Variants in NOL10 observed in about 807,000 individuals in gnomAD.
NOL10 encodes the protein nucleolar protein 10, also known as H_NH0074G24.1.
Under a neutral mutation model 103.5 loss-of-function variants are expected in NOL10, and 58 were observed. That is an observed-to-expected ratio of 0.56 (90% CI 0.45 to 0.70). The LOEUF (loss-of-function observed/expected upper bound fraction) is 0.70. Ranked by LOEUF, NOL10 falls within the 30% of genes least tolerant of loss-of-function variation. The pLI, the probability that NOL10 is intolerant of heterozygous loss-of-function variation, is 0.00. For synonymous variants in NOL10, 287 were observed against 282.5 expected, an observed-to-expected ratio of 1.02 and a Z score of -0.16; for missense variants, 763 against 807.3, an observed-to-expected ratio of 0.95 and a Z score of 0.67.
chr2:10,595,459 T>C (rs1675625402), intron 17 of NOL10, among the ~76,000 whole-genome samples: 1 of 151,904 alleles, frequency 6.6e-6, no homozygotes, highest in Non-Finnish European at 1.5e-5. Flanking sequence ...CATGCACCAC[T>C]ACACCCAGCT....
chr2:10,624,844 C>G (rs754122703), intron 13 of NOL10, among the ~76,000 whole-genome samples: 2 of 152,080 alleles, frequency 1.3e-5, no homozygotes, highest in Non-Finnish European at 2.9e-5. Flanking sequence ...CGGCTTTATT[C>G]CTAACTGCCA....
chr2:10,611,593 C>A (rs763260637), intron 13 of NOL10, among the ~76,000 whole-genome samples: 2 of 152,284 alleles, frequency 1.3e-5, no homozygotes, highest in South Asian at 2.1e-4. Flanking sequence ...GTAGCCTGGG[C>A]AACACAGTGA....
chr2:10,634,947 A>G (rs1246454271), intron 13 of NOL10, among the ~76,000 whole-genome samples: 1 of 152,220 alleles, frequency 6.6e-6, no homozygotes, highest in Non-Finnish European at 1.5e-5. Context: ...ATGACTGTAC[A>G]CGTCTGTCCA....
Position 10,657,729 on chromosome 2 carries a change from C to G in NOL10, c.906+13G>C. The G allele has an allele frequency of 6.5e-7, 1 of 1,543,152 alleles. No individual in the cohort carries two copies. Among genetic ancestry groups the G allele is most frequent in the Non-Finnish European group, 8.7e-7 (1 of 1,142,918 alleles). The stretch of plus-strand genomic sequence containing the variant: ...AAATAAAGAAGCAAGTAATTTCAAC[C>G]AAAAATACATACGGAGTTCTTATTC... On this transcript the variant is annotated intron_variant, in intron 11 of 20. Transcript: ENST00000381685.
At chr2:10,588,620 G>T (rs963904679) in intron 19 of NOL10, among the ~76,000 whole-genome samples, 1 of 152,116 alleles carries the variant, frequency 6.6e-6, no homozygotes, top group Non-Finnish European at 1.5e-5. Context: ...TGTCCAAAAG[G>T]CTTCAAACCA....
At chr2:10,646,860 A>T (rs78274912) in intron 12 of NOL10, among the ~76,000 whole-genome samples, 5,556 of 152,260 alleles carry the variant, frequency 0.036, 337 homozygotes, top group African/African-American at 0.12. Flanking sequence ...AAACCATTTT[A>T]AAAAAGTCAG....
chr2:10,613,718 A>G (rs6432122), intron 13 of NOL10, among the ~76,000 whole-genome samples: 89,926 of 152,014 alleles, frequency 0.59, 27,614 homozygotes, highest in African/African-American at 0.74. Flanking sequence ...ATTAAATCAA[A>G]CAGGTAAGAA....
intron 20 of NOL10, among the ~76,000 whole-genome samples, chr2:10,573,253 G>A (rs768796448): frequency 3.8e-4 from 58 of 151,996 alleles, no homozygotes; most frequent in Non-Finnish European, 6.5e-4. Context: ...GAGTGCAATG[G>A]TACAATCTCG....
intron 13 of NOL10, among the ~76,000 whole-genome samples, chr2:10,640,282 G>C (rs1678611261): frequency 6.6e-6 from 1 of 152,146 alleles, no homozygotes; most frequent in African/African-American, 2.4e-5. Context: ...TCAGACCCCT[G>C]GGCTCTCCCT....
chr2:10,643,177 C>T (rs1232432659), intron 13 of NOL10, among the ~76,000 whole-genome samples: 2 of 152,158 alleles, frequency 1.3e-5, no homozygotes, highest in Admixed American at 6.5e-5. Flanking sequence ...ACCAACCAAA[C>T]GAAATATCTC....
At chr2:10,661,867 TA>T (rs1394676138) in intron 9 of NOL10, among the ~76,000 whole-genome samples, 5 of 147,398 alleles carry the variant, frequency 3.4e-5, no homozygotes, top group East Asian at 2.0e-4. Flanking sequence ...AGCTAAGCAT[TA>T]AAAAAAAATT....
chr2:10,679,774 G>A (rs898565079), intron 3 of NOL10, among the ~76,000 whole-genome samples: 1 of 151,902 alleles, frequency 6.6e-6, no homozygotes, highest in Non-Finnish European at 1.5e-5. Flanking sequence ...ACAGGTCCAC[G>A]CCACCATGCC....
In NOL10 at chr2:10,682,011, A is replaced by C. The variant is rs748957249; in HGVS notation, c.171T>G (p.Thr57=). Reference sequence around the variant, plus strand: ...ACTGTCCATCTTTTGACACCTTAATAGTGGTACACACAGTAGGCATTTCAA... The same window carrying C: ...ACTGTCCATCTTTTGACACCTTAATCGTGGTACACACAGTAGGCATTTCAA... ...QDFEMPTVCT[T]IKVSKDGQYI... The change falls in exon 3 of 21, where the codon ACT becomes ACG. Residue 57 remains threonine, a synonymous_variant. Coordinates refer to ENST00000381685, the MANE Select transcript of NOL10 (RefSeq NM_024894.4). 1 of 1,523,304 alleles carries C rather than the reference A, an allele frequency of 6.6e-7. No individual in the cohort carries two copies. The allele number at this position is 1,523,304 out of a possible 1,614,324, so 94.4% of individuals were successfully genotyped here. A position where few individuals can be genotyped will look rare whatever the true frequency, so the allele number is the denominator to read the frequency against.
At chr2:10,645,775 C>T (rs145078724) in intron 12 of NOL10, among the ~76,000 whole-genome samples, 6 of 151,972 alleles carry the variant, frequency 3.9e-5, no homozygotes, top group Admixed American at 6.6e-5. Context: ...ATGATCCGCC[C>T]GCCTCGGCCT....
At chr2:10,617,274 A>T (rs1676884751) in intron 13 of NOL10, among the ~76,000 whole-genome samples, 1 of 152,178 alleles carries the variant, frequency 6.6e-6, no homozygotes, top group African/African-American at 2.4e-5. Context: ...TAAAAAGACC[A>T]GCCCAGTGTG....
intron 14 of NOL10, among the ~76,000 whole-genome samples, chr2:10,606,381 T>A (rs1407603312): frequency 2.6e-5 from 4 of 152,062 alleles, no homozygotes; most frequent in African/African-American, 9.6e-5. Context: ...TCCCAGTACT[T>A]TGAGAGGCTG....
chr2:10,600,977 T>C (rs1235633813), intron 16 of NOL10, 35 bp from the exon 17 acceptor site: 2 of 1,300,680 alleles, frequency 1.5e-6, no homozygotes, highest in Admixed American at 2.1e-5. Flanking sequence ...TTTTATTTTA[T>C]TTTAAAAGCT....
At chr2:10,687,991 T>G (rs1384391469) in intron 1 of NOL10, among the ~76,000 whole-genome samples, 5 of 152,202 alleles carry the variant, frequency 3.3e-5, no homozygotes, top group Admixed American at 6.5e-5. Flanking sequence ...TCCTTCTTGA[T>G]TCTTCTCCAT....
At chr2:10,610,391 G>C (rs976361835) in intron 13 of NOL10, among the ~76,000 whole-genome samples, 1 of 152,090 alleles carries the variant, frequency 6.6e-6, no homozygotes, top group Non-Finnish European at 1.5e-5. Context: ...TGCCTGTCAG[G>C]GGACAGGTCT....
Sources: gnomAD v4.1 joint callset for allele counts (sites outside exome capture counted in the v4.1 genomes callset) on GRCh38, gnomAD v4.1.1 for gene constraint, MANE v1.5 for transcripts, NCBI Gene and HGNC (gene_info 2026-07-23, HGNC 2026-07-21) for gene names.